The following HGSNAT variants were observed in gnomAD, a reference collection of about 807,000 sequenced individuals.
The protein encoded by HGSNAT is heparan-alpha-glucosaminide N-acetyltransferase.
HGSNAT carries 59 observed loss-of-function variants against 85.2 expected under a neutral mutation model. That is an observed-to-expected ratio of 0.69 (90% CI 0.56 to 0.86). HGSNAT has a LOEUF of 0.86. HGSNAT is among the 40% of genes least tolerant of loss of function. The pLI is 0.00. For synonymous variants in HGSNAT, 321 were observed against 304.5 expected (o/e 1.05, Z -0.56); for missense variants, 756 against 777.1 (o/e 0.97, Z 0.32).
intron 1 of HGSNAT, among the ~76,000 whole-genome samples, chr8:43,141,730 A>G (rs1050302857): frequency 6.6e-6 from 1 of 152,024 alleles, no homozygotes; most frequent in Non-Finnish European, 1.5e-5. Context: ...GGCTCAGAGG[A>G]TTACATTTTG....
rs2130713747 is a variant in HGSNAT, at chr8:43,158,571, A to G, written c.235-4A>G. 1 of 1,613,888 alleles carries G rather than the reference A, an allele frequency of 6.2e-7. No homozygotes were observed. On this transcript the variant is annotated splice_region_variant and splice_polypyrimidine_tract_variant and intron_variant, in intron 2 of 17. Transcript: ENST00000379644. ...CGGTTGACCTGTTGTGCTTTTATTT[A>G]CAGTGCTTGTTTCAGGTTCTGGTAA... is the stretch of plus-strand genomic sequence containing the variant.
chr8:43,155,400 A>G (rs1430869317), intron 2 of HGSNAT, among the ~76,000 whole-genome samples: 1 of 152,074 alleles, frequency 6.6e-6, no homozygotes, highest in African/African-American at 2.4e-5. Context: ...GATACATAAT[A>G]GTTGTATATG....
At chr8:43,191,969 C>G (rs1804547268) in intron 12 of HGSNAT, among the ~76,000 whole-genome samples, 1 of 152,054 alleles carries the variant, frequency 6.6e-6, no homozygotes, top group African/African-American at 2.4e-5. Flanking sequence ...TGCTCTGTCG[C>G]CCAGGCAGGA....
intron 5 of HGSNAT, among the ~76,000 whole-genome samples, chr8:43,162,881 C>T (rs528640299): frequency 2.3e-4 from 35 of 152,130 alleles, no homozygotes; most frequent in African/African-American, 8.4e-4. Flanking sequence ...TATTACATGA[C>T]TTTTTAAAGT....
intron 10 of HGSNAT, among the ~76,000 whole-genome samples, chr8:43,179,660 G>A (rs1249639891): frequency 1.4e-4 from 2 of 14,222 alleles, no homozygotes; most frequent in Admixed American, 1.1e-3. Flanking sequence ...CCAGGCGGGG[G>A]GCTGATCCCC....
At chr8:43,187,040 CTGAGGAGTGCTTTACTTCCAACTA>C (rs1450000262) in intron 11 of HGSNAT, among the ~76,000 whole-genome samples, 1 of 152,144 alleles carries the variant, frequency 6.6e-6, no homozygotes, top group Non-Finnish European at 1.5e-5. Flanking sequence ...TTTACATTTG[CTGAGGAGTGCTTTACTTCCAACTA>C]TGTGGTCAAT....
intron 11 of HGSNAT, among the ~76,000 whole-genome samples, chr8:43,188,839 T>G (rs1341319595): frequency 1.3e-5 from 2 of 152,222 alleles, no homozygotes; most frequent in African/African-American, 4.8e-5. Flanking sequence ...GGTGTGGATG[T>G]CCTTTTTGTT....
chr8:43,170,224 G>A (rs1052882374), intron 6 of HGSNAT, among the ~76,000 whole-genome samples: 4 of 152,228 alleles, frequency 2.6e-5, no homozygotes, highest in African/African-American at 7.2e-5. Flanking sequence ...ACTCACGTCT[G>A]TAATCCCAGC....
At chr8:43,152,815 T>C (rs1458136831) in intron 2 of HGSNAT, among the ~76,000 whole-genome samples, 1 of 152,100 alleles carries the variant, frequency 6.6e-6, no homozygotes, top group Non-Finnish European at 1.5e-5. Flanking sequence ...CCAATAACCA[T>C]TGATATCAAG....
intron 8 of HGSNAT, among the ~76,000 whole-genome samples, chr8:43,172,779 G>A (rs144084453): frequency 1.3e-5 from 2 of 152,334 alleles, no homozygotes; most frequent in African/African-American, 2.4e-5. Flanking sequence ...TTGAGATGGC[G>A]TTGAACTAGG....
chr8:43,197,803 C>T (rs550884520), intron 16 of HGSNAT, 37 bp from the exon 17 acceptor site: 60 of 1,599,020 alleles, frequency 3.8e-5, no homozygotes, highest in African/African-American at 6.7e-5. Context: ...GGATTTGTTC[C>T]GTACGAGCAC....
chr8:43,196,321 C>T lies in HGSNAT; in HGVS notation c.1465-627C>T, dbSNP rs978660862. 1.1e-4 allele frequency: 47 copies of T among 415,300 alleles called. No homozygotes were observed. In the Admixed American group the frequency reaches 1.5e-3, roughly 13 times the overall value. The allele number at this position is 415,300 out of a possible 1,614,324, so 25.7% of individuals were successfully genotyped here. A position where few individuals can be genotyped will look rare whatever the true frequency, so the allele number is the denominator to read the frequency against. On this transcript the variant is annotated intron_variant, in intron 14 of 17. Coordinates refer to ENST00000379644, the MANE Select transcript of HGSNAT (RefSeq NM_152419.3). ...CTTTGATGTTTTCAAAAATGAATAC[C>T]TAATTTCAGAGGGATTGTATGTGAA... is the stretch of plus-strand genomic sequence containing the variant.
chr8:43,192,384 G>T lies in HGSNAT; in HGVS notation c.1331G>T (p.Arg444Leu). 3.7e-6 allele frequency: 6 copies of T among 1,613,162 alleles called. No individual in the cohort carries two copies. Among genetic ancestry groups the T allele is most frequent in the Non-Finnish European group, 5.1e-6 (6 of 1,179,644 alleles). The change falls in exon 13 of 18, where the codon CGC becomes CTC. Residue 444 changes from arginine to leucine, a missense_variant. Arg to Leu is a moderately radical substitution (Grantham distance 102). Transcript: ENST00000379644. ...CTGGAAGYID[R>L]LLLGDDHLYQ... Reference sequence around the variant, plus strand: ...GGAGGAGCTGCAGGCTACATCGACCGCCTGCTGCTGGGAGACGATCACCTT... The same window carrying T: ...GGAGGAGCTGCAGGCTACATCGACCTCCTGCTGCTGGGAGACGATCACCTT...
chr8:43,172,091 C>T (rs1382880093), intron 7 of HGSNAT, among the ~76,000 whole-genome samples: 1 of 152,206 alleles, frequency 6.6e-6, no homozygotes, highest in Non-Finnish European at 1.5e-5. Flanking sequence ...ATCATGTTGG[C>T]AGTGTTGGCA....
chr8:43,140,905 G>T (rs1305126213), intron 1 of HGSNAT, among the ~76,000 whole-genome samples: 2 of 152,172 alleles, frequency 1.3e-5, no homozygotes, highest in Non-Finnish European at 2.9e-5. Flanking sequence ...GCGTCCTGGC[G>T]CCTTCCGTCT....
intron 6 of HGSNAT, 113 bp from the exon 7 acceptor site, chr8:43,170,470 ACT>A (rs1374143041): frequency 9.6e-6 from 9 of 940,252 alleles, no homozygotes; most frequent in South Asian, 8.8e-5. Flanking sequence ...ACAGAGCGAG[ACT>A]CTGTCTCAAA....
chr8:43,179,280 G>A (rs1299825437), intron 10 of HGSNAT, among the ~76,000 whole-genome samples: 1 of 151,172 alleles, frequency 6.6e-6, no homozygotes, highest in East Asian at 2.0e-4. Flanking sequence ...CGGCTGGCCA[G>A]GCAGAGGGGC....
At chr8:43,192,887 C>T (rs1195754929) in intron 13 of HGSNAT, among the ~76,000 whole-genome samples, 1 of 152,182 alleles carries the variant, frequency 6.6e-6, no homozygotes, top group Non-Finnish European at 1.5e-5. Context: ...CAGAGGGTCA[C>T]ATGCAGGAAG....
chr8:43,165,187 TTATAA>T (rs1403651575), intron 5 of HGSNAT, among the ~76,000 whole-genome samples: 1 of 152,072 alleles, frequency 6.6e-6, no homozygotes, highest in African/African-American at 2.4e-5. Flanking sequence ...TTGGTAATCG[TTATAA>T]TATTTCAAAC....
Sources: gnomAD v4.1 joint callset for allele counts (sites outside exome capture counted in the v4.1 genomes callset) on GRCh38, gnomAD v4.1.1 for gene constraint, MANE v1.5 for transcripts, NCBI Gene and HGNC (gene_info 2026-07-23, HGNC 2026-07-21) for gene names.